The following SMOC2 variants were observed in gnomAD, a reference collection of about 807,000 sequenced individuals.
SMOC2 encodes the protein SPARC related modular calcium binding 2.
In SMOC2, 39 loss-of-function variants were observed where a neutral mutation model predicts 61.4. The observed-to-expected ratio is 0.64, with a 90% confidence interval of 0.49 to 0.83. The LOEUF (loss-of-function observed/expected upper bound fraction) is 0.83, where lower values mean the gene tolerates loss of function less well. Among genes scored for constraint, SMOC2 ranks in the 40% least tolerant of loss-of-function variants. The pLI is 0.00. For synonymous variants in SMOC2, 247 were observed against 239.9 expected, an observed-to-expected ratio of 1.03 and a Z score of -0.27; for missense variants, 556 against 592.9, an observed-to-expected ratio of 0.94 and a Z score of 0.65.
intron 1 of SMOC2, among the ~76,000 whole-genome samples, chr6:168,444,054 C>T (rs1014065955): frequency 5.9e-5 from 9 of 152,138 alleles, no homozygotes; most frequent in African/African-American, 1.9e-4. Flanking sequence ...CAATTGATAC[C>T]GTAATTATCA....
chr6:168,652,564 A>G (rs1447674351), intron 10 of SMOC2, among the ~76,000 whole-genome samples: 2 of 152,338 alleles, frequency 1.3e-5, no homozygotes, highest in East Asian at 3.9e-4. Context: ...TATTCCTATG[A>G]CATGAAGGAT....
intron 4 of SMOC2, among the ~76,000 whole-genome samples, chr6:168,536,687 G>C (rs1783740684): frequency 1.3e-5 from 2 of 152,146 alleles, no homozygotes; most frequent in South Asian, 4.1e-4. Flanking sequence ...AGATGAGGTG[G>C]GAGGAGCTAA....
chr6:168,658,380 G>A (rs1183759245), intron 11 of SMOC2, among the ~76,000 whole-genome samples: 1 of 152,172 alleles, frequency 6.6e-6, no homozygotes, highest in Non-Finnish European at 1.5e-5. Context: ...TTAAGGATGG[G>A]TAGAGCCAAG....
At chr6:168,613,944 C>T (rs1422228533) in intron 9 of SMOC2, among the ~76,000 whole-genome samples, 3 of 66,712 alleles carry the variant, frequency 4.5e-5, no homozygotes, top group Non-Finnish European at 9.2e-5. Context: ...CAGCACAGGG[C>T]CTCTTCACAC....
chr6:168,524,338 A>T (rs1316045865), intron 2 of SMOC2, among the ~76,000 whole-genome samples: 2 of 152,236 alleles, frequency 1.3e-5, no homozygotes, highest in African/African-American at 4.8e-5. Flanking sequence ...TTTCATGCTA[A>T]GTCTTAATTG....
rs1562348250 is a variant in SMOC2 at position 168,560,519 on chromosome 6, CGTTCTTGG to C, written c.637+11317_637+11324del. Among the ~76,000 whole-genome samples the C allele has an allele frequency of 6.7e-4, 84 of 125,134 alleles. 3 individuals carry two copies. Among genetic ancestry groups the C allele is most frequent in the Admixed American group, 2.0e-3 (26 of 12,808 alleles). 82.1% of individuals were successfully genotyped at this position (125,134 alleles called of 152,430 possible). A position where few individuals can be genotyped will look rare whatever the true frequency, so the allele number is the denominator to read the frequency against. The stretch of plus-strand genomic sequence containing the variant: ...GCCCTGAGATGTGAGGCTCTCACTG[CGTTCTTGG>C]AGGAGGTGTCATTTTCCTGCCCTGA... On this transcript the variant is annotated intron_variant, in intron 7 of 12. Transcript: ENST00000356284.
At chr6:168,554,344 T>C (rs1234766800) in intron 7 of SMOC2, among the ~76,000 whole-genome samples, 1 of 152,252 alleles carries the variant, frequency 6.6e-6, no homozygotes, top group African/African-American at 2.4e-5. Context: ...CCTTGGGGTG[T>C]CCTACTACTA....
In SMOC2 at chr6:168,551,423, TTTTATTTATTTATTTA is replaced by T. The variant is rs147825097; in HGVS notation, c.637+2252_637+2267del. ...ATGATTTTACTGGAAATATACTTTA[TTTTATTTATTTATTTA>T]TTTATTTATTTATTTATTTATTTAT... On this transcript the variant is annotated intron_variant, in intron 7 of 12. Coordinates refer to ENST00000356284, the MANE Select transcript of SMOC2 (RefSeq NM_001166412.2). 2.5e-3 allele frequency among the ~76,000 whole-genome samples: 360 copies of T among 146,878 alleles called. 1 individual carries two copies. Among genetic ancestry groups the T allele is most frequent in the South Asian group, 0.018 (82 of 4,550 alleles).
At chr6:168,523,181 T>C (rs9295065) in intron 2 of SMOC2, among the ~76,000 whole-genome samples, 114,234 of 132,018 alleles carry the variant, frequency 0.87, 50,818 homozygotes, top group East Asian at 0.99. Flanking sequence ...CTCCGCTTCC[T>C]GGGTTCACGC....
chr6:168,649,946 A>G lies in SMOC2; in HGVS notation c.908-735A>G, dbSNP rs9346559. ...AAGTGGATGGCTTCTTTCAAATGTT[A>G]TCTTGAATTTGGGGTGGGACGAGTG... On this transcript the variant is annotated intron_variant, in intron 9 of 12. Coordinates refer to ENST00000356284, the MANE Select transcript of SMOC2 (RefSeq NM_001166412.2). Among the ~76,000 whole-genome samples the G allele has an allele frequency of 4.5e-3, 689 of 152,074 alleles. 7 individuals are homozygous for G. The highest frequency in any genetic ancestry group is 0.016 in the African/African-American group (666 of 41,490).
intron 7 of SMOC2, among the ~76,000 whole-genome samples, chr6:168,556,709 A>G (rs1784260854): frequency 6.6e-6 from 1 of 150,810 alleles, no homozygotes; most frequent in South Asian, 2.1e-4. Context: ...GTCATTTAAC[A>G]TTAGGTATAT....
intron 1 of SMOC2, among the ~76,000 whole-genome samples, chr6:168,506,463 A>G (rs1477209204): frequency 6.6e-6 from 1 of 152,220 alleles, no homozygotes; most frequent in Non-Finnish European, 1.5e-5. Flanking sequence ...AATTTTAAAC[A>G]TGTTAAGATT....
intron 1 of SMOC2, among the ~76,000 whole-genome samples, chr6:168,460,958 C>CAG (rs1554281313): frequency 6.6e-6 from 1 of 152,212 alleles, no homozygotes; most frequent in Non-Finnish European, 1.5e-5. Context: ...GCTCTAAACA[C>CAG]AGAGGTTCTT....
At chr6:168,645,508 T>G (rs1787000567) in intron 9 of SMOC2, among the ~76,000 whole-genome samples, 1 of 152,114 alleles carries the variant, frequency 6.6e-6, no homozygotes, top group African/African-American at 2.4e-5. Context: ...TTTTCTCCCC[T>G]CAGGGCACCA....
intron 7 of SMOC2, among the ~76,000 whole-genome samples, chr6:168,573,441 C>T (rs1053006297): frequency 6.6e-6 from 1 of 152,196 alleles, no homozygotes; most frequent in African/African-American, 2.4e-5. Flanking sequence ...GTGCTGGGAC[C>T]AGGGCTGCGT....
At chr6:168,636,169 T>C (rs1786712772) in intron 9 of SMOC2, among the ~76,000 whole-genome samples, 1 of 152,156 alleles carries the variant, frequency 6.6e-6, no homozygotes, top group Non-Finnish European at 1.5e-5. Flanking sequence ...ACCCAGTATG[T>C]GATTCAGTGG....
chr6:168,444,276 T>C (rs1055479446), intron 1 of SMOC2, among the ~76,000 whole-genome samples: 3 of 152,120 alleles, frequency 2.0e-5, no homozygotes, highest in Non-Finnish European at 4.4e-5. Context: ...AGCAGGGAAA[T>C]ATGTCAGCCT....
At chr6:168,586,505 T>C (rs1249255545) in intron 7 of SMOC2, among the ~76,000 whole-genome samples, 1 of 152,198 alleles carries the variant, frequency 6.6e-6, no homozygotes, top group Non-Finnish European at 1.5e-5. Context: ...AGAACCATAA[T>C]GTCAGTTTCT....
intron 7 of SMOC2, among the ~76,000 whole-genome samples, chr6:168,591,968 G>A (rs957260104): frequency 1.8e-4 from 27 of 152,014 alleles, no homozygotes; most frequent in Middle Eastern, 3.4e-3. Flanking sequence ...TTTTGGAAGC[G>A]TAGCCTACTC....
Sources: allele counts gnomAD v4.1 joint callset (sites outside exome capture counted in the v4.1 genomes callset), GRCh38; gene constraint gnomAD v4.1.1; transcripts MANE v1.5; gene names NCBI Gene and HGNC (gene_info 2026-07-23, HGNC 2026-07-21).